CAMTA1: variants seen among roughly 807,000 people sequenced by gnomAD.
The protein encoded by CAMTA1 is calmodulin-binding transcription activator 1.
CAMTA1 carries 27 observed loss-of-function variants against 170.9 expected under a neutral mutation model. The observed-to-expected ratio is 0.16, with a 90% CI of 0.12 to 0.22. The LOEUF (loss-of-function observed/expected upper bound fraction) is 0.22, where lower values mean the gene tolerates loss of function less well. CAMTA1 is among the 10% of genes least tolerant of loss of function. The pLI is 1.00. For synonymous variants in CAMTA1, 833 were observed against 891.5 expected, an observed-to-expected ratio of 0.93 and a Z score of 1.17; for missense variants, 1,619 against 2,217.2, an observed-to-expected ratio of 0.73 and a Z score of 5.42.
chr1:7,059,414 T>C (rs1009255027), intron 3 of CAMTA1, among the ~76,000 whole-genome samples: 1 of 152,234 alleles, frequency 6.6e-6, no homozygotes, highest in Middle Eastern at 3.4e-3. Flanking sequence ...TCCCAGAAGT[T>C]TGAGGCCAGC....
In CAMTA1 at chr1:7,664,149, C is replaced by T. The variant is rs143101821; in HGVS notation, c.1602C>T (p.Thr534=). Residue 534 remains threonine, a synonymous_variant, in exon 9 of 23, where the codon ACC becomes ACT. Coordinates refer to ENST00000303635, the MANE Select transcript of CAMTA1 (RefSeq NM_015215.4). ...CCGTCCTCACCAAGGAGATCAAGAC[C>T]GAGGACACCTCCTTCGAGCAGCAGA... ...FTTVLTKEIK[T]EDTSFEQQMA... is the part of the protein sequence containing the mutation. 1.6e-4 allele frequency: 251 copies of T among 1,613,154 alleles called. 1 individual carries two copies. In the South Asian group the frequency reaches 1.7e-3, roughly 11 times the overall value.
intron 6 of CAMTA1, 119 bp from the exon 7 acceptor site, chr1:7,640,281 T>G: frequency 1.8e-6 from 2 of 1,101,930 alleles, no homozygotes; most frequent in East Asian, 2.5e-5. Context: ...CAGTGTGAGG[T>G]CAAGAGAGCC....
At chr1:7,329,401 T>C (rs1049485169) in intron 5 of CAMTA1, among the ~76,000 whole-genome samples, 3 of 152,204 alleles carry the variant, frequency 2.0e-5, no homozygotes, top group Admixed American at 6.5e-5. Context: ...TGGAAAGAAA[T>C]TCCAAAATTT....
chr1:7,676,053 C>T (rs1190850138), intron 10 of CAMTA1, among the ~76,000 whole-genome samples: 1 of 152,232 alleles, frequency 6.6e-6, no homozygotes, highest in Non-Finnish European at 1.5e-5. Flanking sequence ...CGTGAGTTCT[C>T]CAAGGCTGGC....
At chr1:7,470,444 CAA>C (rs1215960066) in intron 6 of CAMTA1, among the ~76,000 whole-genome samples, 1 of 152,174 alleles carries the variant, frequency 6.6e-6, no homozygotes, top group African/African-American at 2.4e-5. Context: ...GAAATTGGCT[CAA>C]GTGTGTCTCT....
In CAMTA1 at chr1:7,673,880, C is replaced by A. The variant is rs945263963; in HGVS notation, c.2779+2843C>A. 6.6e-6 allele frequency among the ~76,000 whole-genome samples: 1 copy of A among 152,196 alleles called. No individual in the cohort carries two copies. Among genetic ancestry groups the A allele is most frequent in the African/African-American group, 2.4e-5 (1 of 41,442 alleles). On this transcript the variant is annotated intron_variant, in intron 10 of 22. Coordinates refer to ENST00000303635, the MANE Select transcript of CAMTA1 (RefSeq NM_015215.4). This position sits in a 1 kb window ranked among gnomAD's most constrained non-coding sequence, Gnocchi z 4.6. ...GAGTAGGGGCCTGGAATGGAGCAAA[C>A]AATAAGACCCAGCTTCTCACCGGGC...
intron 3 of CAMTA1, among the ~76,000 whole-genome samples, chr1:6,954,201 C>T (rs1196163750): frequency 6.6e-6 from 1 of 152,188 alleles, no homozygotes; most frequent in Non-Finnish European, 1.5e-5. Flanking sequence ...GACGCCCTGG[C>T]TGGTCGCCTG....
At chr1:6,866,960 T>C (rs907185775) in intron 3 of CAMTA1, among the ~76,000 whole-genome samples, 1 of 152,236 alleles carries the variant, frequency 6.6e-6, no homozygotes, top group Non-Finnish European at 1.5e-5. Context: ...CCATGATCTC[T>C]CAGCTTCCTT....
chr1:6,830,219 G>A (rs1017351082), intron 3 of CAMTA1, among the ~76,000 whole-genome samples: 3 of 151,358 alleles, frequency 2.0e-5, no homozygotes, highest in Non-Finnish European at 4.4e-5. Flanking sequence ...TATATTTTTA[G>A]TAGAGACGGA....
At chr1:7,705,228 G>A (rs1160743359) in intron 11 of CAMTA1, among the ~76,000 whole-genome samples, 17 of 151,410 alleles carry the variant, frequency 1.1e-4, no homozygotes, top group Admixed American at 1.1e-3. Context: ...GAGGAGCAAG[G>A]GTGAGGGGCT....
At chr1:7,369,994 G>A (rs1308948023) in intron 5 of CAMTA1, 1 of 152,298 alleles carries the variant, frequency 6.6e-6, no homozygotes, top group Non-Finnish European at 1.5e-5. Flanking sequence ...GGTACTTCAG[G>A]CCCTTGCCAT....
chr1:7,262,926 A>G (rs1236779403), intron 5 of CAMTA1, among the ~76,000 whole-genome samples: 1 of 152,208 alleles, frequency 6.6e-6, no homozygotes, highest in East Asian at 1.9e-4. Flanking sequence ...GTCGGGTGCC[A>G]GCAGCCTCCT....
chr1:7,437,233 C>T (rs116468232), intron 5 of CAMTA1, among the ~76,000 whole-genome samples: 2,951 of 152,302 alleles, frequency 0.019, 39 homozygotes, highest in Non-Finnish European at 0.031. Context: ...GCCTGGAAAG[C>T]GGATCATCCT....
intron 3 of CAMTA1, among the ~76,000 whole-genome samples, chr1:6,980,223 C>G (rs1449847926): frequency 6.6e-6 from 1 of 152,124 alleles, no homozygotes; most frequent in Non-Finnish European, 1.5e-5. Flanking sequence ...GAGTCGAGGG[C>G]AGGTGCTGTC....
At chr1:6,838,569 A>AT (rs968362560) in intron 3 of CAMTA1, among the ~76,000 whole-genome samples, 62 of 152,142 alleles carry the variant, frequency 4.1e-4, no homozygotes, top group Middle Eastern at 3.4e-3. Flanking sequence ...GTATCTTCAG[A>AT]TTTTTTTCTT....
chr1:7,457,392 T>C, intron 5 of CAMTA1, among the ~76,000 whole-genome samples: 1 of 151,632 alleles, frequency 6.6e-6, no homozygotes, highest in Middle Eastern at 3.2e-3. Flanking sequence ...CTGCAGATAC[T>C]TGGGGGCCCC....
chr1:7,745,962 A>G lies in CAMTA1; in HGVS notation c.4488A>G (p.Ser1496=), dbSNP rs1449389190. 20 of 1,614,120 alleles carry G rather than the reference A, an allele frequency of 1.2e-5. No homozygotes were observed. In the Middle Eastern group the frequency reaches 6.6e-4, roughly 53 times the overall value. The change falls in exon 18 of 23, where the codon TCA becomes TCG. Residue 1496 remains serine, a synonymous_variant. Coordinates refer to ENST00000303635, the MANE Select transcript of CAMTA1 (RefSeq NM_015215.4). ...KPNLPSAADW[S]EFLSASTSEK... ...ACCTTCCCTCCGCCGCGGATTGGTCAGAATTCCTGAGTGCATCTACCAGTG... is the reference window on the plus strand; with the variant it reads ...ACCTTCCCTCCGCCGCGGATTGGTCGGAATTCCTGAGTGCATCTACCAGTG...
Position 7,562,030 on chromosome 1 carries a change from C to G in CAMTA1, c.511-78370C>G, listed in dbSNP as rs753953417. On this transcript the variant is annotated intron_variant, in intron 6 of 22. Transcript: ENST00000303635. This position sits in a 1 kb window ranked among gnomAD's most constrained non-coding sequence, Gnocchi z 4.8. ...GGCTTTCTGCAGACTTTGTCCCCAT[C>G]GAAGGGTCGTGGCCAAGATGGTGAT... 1.2e-4 allele frequency among the ~76,000 whole-genome samples: 18 copies of G among 152,280 alleles called. No homozygotes were observed. Among genetic ancestry groups the G allele is most frequent in the South Asian group, 8.3e-4 (4 of 4,810 alleles).
At chr1:6,800,135 T>A (rs1643541961) in intron 1 of CAMTA1, among the ~76,000 whole-genome samples, 2 of 152,056 alleles carry the variant, frequency 1.3e-5, no homozygotes, top group Admixed American at 1.3e-4. Flanking sequence ...CCGGGTGCTG[T>A]GGCTCGGTGC....
Sources: allele counts gnomAD v4.1 joint callset (sites outside exome capture counted in the v4.1 genomes callset), GRCh38; gene constraint gnomAD v4.1.1; non-coding constraint Gnocchi (gnomAD v3.1); transcripts MANE v1.5; gene names NCBI Gene and HGNC (gene_info 2026-07-23, HGNC 2026-07-21).